The following ERI3 variants were observed in gnomAD, a reference collection of about 807,000 sequenced individuals.
The protein encoded by ERI3 is ERI1 exoribonuclease 3.
In ERI3, 18 loss-of-function variants were observed where a neutral mutation model predicts 44.4. The ratio of observed to expected loss-of-function variants is 0.41; its 90% CI spans 0.28 to 0.60. ERI3 has a LOEUF of 0.60. Among genes scored for constraint, ERI3 ranks in the 20% least tolerant of loss-of-function variants. The pLI is 0.36. For synonymous variants in ERI3, 183 were observed against 164.8 expected, an observed-to-expected ratio of 1.11 and a Z score of -0.84; for missense variants, 294 against 435.5, an observed-to-expected ratio of 0.68 and a Z score of 2.89.
chr1:44,295,557 G>T (rs1394930612), intron 6 of ERI3, among the ~76,000 whole-genome samples: 1 of 152,192 alleles, frequency 6.6e-6, no homozygotes, highest in Non-Finnish European at 1.5e-5. Flanking sequence ...ATATGCTGGG[G>T]TCAGCACCTT....
rs766463733 is a variant in ERI3 at position 44,319,762 on chromosome 1, C to T, written c.490-18G>A. Reference sequence around the variant, plus strand: ...ATGATTTCCTGGAGTGCCAAAGATACAGAAAAGGAAAAATAAGTTATTGTA... The same window carrying T: ...ATGATTTCCTGGAGTGCCAAAGATATAGAAAAGGAAAAATAAGTTATTGTA... On this transcript the variant is annotated intron_variant, in intron 3 of 8. Coordinates refer to ENST00000372257, the MANE Select transcript of ERI3 (RefSeq NM_024066.3). The T allele has an allele frequency of 4.5e-6, 7 of 1,548,756 alleles. No homozygotes were observed. The highest frequency in any genetic ancestry group is 2.2e-5 in the East Asian group (1 of 44,574).
intron 2 of ERI3, among the ~76,000 whole-genome samples, chr1:44,345,842 AG>A (rs1646772531): frequency 6.6e-6 from 1 of 152,234 alleles, no homozygotes; most frequent in Admixed American, 6.5e-5. Context: ...GAAAGAGAAA[AG>A]GACTGCCCAA....
intron 6 of ERI3, among the ~76,000 whole-genome samples, chr1:44,303,422 T>C (rs998461233): frequency 2.0e-5 from 3 of 152,232 alleles, no homozygotes; most frequent in Non-Finnish European, 4.4e-5. Flanking sequence ...ACAGGAACAC[T>C]CCATTACTTA....
At chr1:44,345,082 C>T (rs145200073) in intron 2 of ERI3, among the ~76,000 whole-genome samples, 161 of 152,304 alleles carry the variant, frequency 1.1e-3, no homozygotes, top group Non-Finnish European at 1.5e-3. Flanking sequence ...AAATAATATG[C>T]CTTTATAAAA....
At chr1:44,244,431 A>T (rs1044902638) in intron 8 of ERI3, among the ~76,000 whole-genome samples, 1 of 152,150 alleles carries the variant, frequency 6.6e-6, no homozygotes, top group South Asian at 2.1e-4. Context: ...CTCAGTCCCC[A>T]GGGCCAAGCC....
rs1231855891 is a variant in ERI3, at chr1:44,310,757, C to T, written c.667-2356G>A. On this transcript the variant is annotated intron_variant, in intron 5 of 8. Coordinates refer to ENST00000372257, the MANE Select transcript of ERI3 (RefSeq NM_024066.3). ...CTACCTAGTTCCGTGGCTATAGCAG[C>T]TCTACCAACCAGAATATCAGAGCTG... Among the ~76,000 whole-genome samples, 7 of 152,060 alleles carry T rather than the reference C, an allele frequency of 4.6e-5. No individual in the cohort carries two copies. The South Asian group carries it at 6.2e-4, about 14-fold the overall frequency.
At chr1:44,319,453 C>T (rs1262659556) in intron 4 of ERI3, among the ~76,000 whole-genome samples, 175 bp downstream of exon 4, 1 of 152,246 alleles carries the variant, frequency 6.6e-6, no homozygotes, top group East Asian at 1.9e-4. Flanking sequence ...TCCCCAGTAA[C>T]AACAGTGACC....
intron 3 of ERI3, among the ~76,000 whole-genome samples, chr1:44,323,284 A>G (rs1391244120): frequency 6.6e-6 from 1 of 152,204 alleles, no homozygotes; most frequent in Non-Finnish European, 1.5e-5. Context: ...CACTTTGGAG[A>G]AGCACATGGA....
chr1:44,318,198 C>T (rs556688657), intron 4 of ERI3, among the ~76,000 whole-genome samples: 2 of 152,282 alleles, frequency 1.3e-5, no homozygotes, highest in African/African-American at 4.8e-5. Flanking sequence ...GCCCAGGGTC[C>T]AGCTCCAGCA....
chr1:44,286,781 G>C (rs1276549231), intron 6 of ERI3, among the ~76,000 whole-genome samples: 1 of 152,152 alleles, frequency 6.6e-6, no homozygotes, highest in Non-Finnish European at 1.5e-5. Context: ...AAAACACAGA[G>C]AACAATACTT....
intron 8 of ERI3, among the ~76,000 whole-genome samples, chr1:44,222,873 G>A (rs763571689): frequency 6.6e-6 from 1 of 152,220 alleles, no homozygotes; most frequent in Non-Finnish European, 1.5e-5. Context: ...TTAAGGTCAA[G>A]GTGGGGTCAG....
At position 44,354,676 on chromosome 1, in the gene ERI3, C is replaced by G. The variant is rs79308626; in HGVS notation, c.135+216G>C. On this transcript the variant is annotated intron_variant, in intron 1 of 8. Coordinates refer to ENST00000372257, the MANE Select transcript of ERI3 (RefSeq NM_024066.3). Reference sequence around the variant, plus strand: ...AAACCTTTTTCTTCTCTAGTAATCCCAGTAAGTCAACCCCCTTAATAAACT... The same window carrying G: ...AAACCTTTTTCTTCTCTAGTAATCCGAGTAAGTCAACCCCCTTAATAAACT... 31 of 985,406 alleles carry G rather than the reference C, an allele frequency of 3.1e-5. No homozygotes were observed. In the East Asian group the frequency reaches 3.1e-3, roughly 97 times the overall value. The allele number at this position is 985,406 out of a possible 1,614,324, so 61.0% of individuals were successfully genotyped here.
At chr1:44,275,586 A>G (rs933528783) in intron 7 of ERI3, among the ~76,000 whole-genome samples, 11 of 152,208 alleles carry the variant, frequency 7.2e-5, no homozygotes, top group Admixed American at 6.5e-4. Flanking sequence ...GAGAAACAGA[A>G]TGTTTCTTGG....
chr1:44,339,458 G>A (rs994140279), intron 2 of ERI3, 136 bp from the exon 3 acceptor site: 39 of 909,024 alleles, frequency 4.3e-5, no homozygotes, highest in Non-Finnish European at 5.1e-5. Flanking sequence ...CGCAACATGG[G>A]CCACTCCCCA....
At chr1:44,334,758 T>G (rs1471562688) in intron 3 of ERI3, among the ~76,000 whole-genome samples, 1 of 152,188 alleles carries the variant, frequency 6.6e-6, no homozygotes, top group African/African-American at 2.4e-5. Context: ...GCAAAACTGA[T>G]GACAAATGGA....
chr1:44,317,798 C>G (rs1259596126), intron 4 of ERI3, among the ~76,000 whole-genome samples: 1 of 151,986 alleles, frequency 6.6e-6, no homozygotes, highest in African/African-American at 2.4e-5. Context: ...GGAGGACCAT[C>G]ATGTGAAAAG....
intron 5 of ERI3, among the ~76,000 whole-genome samples, chr1:44,310,434 C>T (rs1441380958): frequency 6.6e-6 from 1 of 152,214 alleles, no homozygotes; most frequent in East Asian, 1.9e-4. Context: ...CTTAATCTCT[C>T]ATTCAGCATA....
At chr1:44,343,931 T>C (rs1308031164) in intron 2 of ERI3, among the ~76,000 whole-genome samples, 1 of 151,976 alleles carries the variant, frequency 6.6e-6, no homozygotes, top group African/African-American at 2.4e-5. Flanking sequence ...GTTTCAAACG[T>C]TTTTTTAAAA....
chr1:44,257,087 C>T (rs1004620628), intron 7 of ERI3, among the ~76,000 whole-genome samples: 21 of 152,108 alleles, frequency 1.4e-4, no homozygotes, highest in African/African-American at 4.8e-4. Context: ...CCCTTTCCTC[C>T]CCGGGGTGCT....
Sources: allele counts gnomAD v4.1 joint callset (sites outside exome capture counted in the v4.1 genomes callset), GRCh38; gene constraint gnomAD v4.1.1; transcripts MANE v1.5; gene names NCBI Gene and HGNC (gene_info 2026-07-23, HGNC 2026-07-21).